The following PTPRZ1 variants were observed in gnomAD, a reference collection of about 807,000 sequenced individuals.
PTPRZ1 encodes the protein receptor-type tyrosine-protein phosphatase zeta.
PTPRZ1 carries 82 observed loss-of-function variants against 214.1 expected under a neutral mutation model. The ratio of observed to expected loss-of-function variants is 0.38; its 90% CI spans 0.32 to 0.46. The LOEUF is 0.46. PTPRZ1 is among the 20% of genes least tolerant of loss of function. PTPRZ1 has a pLI of 1.00. For missense variants in PTPRZ1, 2,603 were observed against 2,748.7 expected (o/e 0.95, Z 1.19); for synonymous variants, 945 against 987.9 (o/e 0.96, Z 0.81).
At chr7:121,994,684 T>G (rs1420139147) in intron 8 of PTPRZ1, among the ~76,000 whole-genome samples, 1 of 152,178 alleles carries the variant, frequency 6.6e-6, no homozygotes, top group East Asian at 1.9e-4. Context: ...AGAACGAGCT[T>G]GTTGCTCCAA....
chr7:121,877,909 TA>T (rs1370301829), intron 1 of PTPRZ1, among the ~76,000 whole-genome samples: 2 of 151,640 alleles, frequency 1.3e-5, no homozygotes, highest in African/African-American at 4.8e-5. Flanking sequence ...TATGTGTGTA[TA>T]TACATATATA....
At chr7:121,967,150 A>G (rs934768084) in intron 2 of PTPRZ1, 2 of 152,198 alleles carry the variant, frequency 1.3e-5, no homozygotes, top group Non-Finnish European at 2.9e-5. Flanking sequence ...GGTAGGGGTG[A>G]AATAAAGGCA....
chr7:122,053,931 T>C lies in PTPRZ1; in HGVS notation c.6274T>C (p.Phe2092Leu), dbSNP rs2150491347. The part of the protein sequence containing the change: ...YIMGYYQSNE[F>L]IITQHPLLHT... ...GTAGGGCTATTACCAGAGCAATGAA[T>C]TCATCATTACCCAGCACCCTCTCCT... The change falls in exon 26 of 30, where the codon TTC (phenylalanine) becomes CTC (leucine). Residue 2092 changes from phenylalanine to leucine, a missense_variant. This residue lies in a region of PTPRZ1 where 134 missense variants were observed against 183.3 expected (regional missense o/e 0.73). Coordinates refer to ENST00000393386, the MANE Select transcript of PTPRZ1 (RefSeq NM_002851.3). 3.7e-6 allele frequency: 6 copies of C among 1,613,094 alleles called. No individual in the cohort carries two copies. In the South Asian group the frequency reaches 5.5e-5, roughly 15 times the overall value.
At chr7:121,984,491 G>A (rs1438050874) in intron 8 of PTPRZ1, among the ~76,000 whole-genome samples, 1 of 152,158 alleles carries the variant, frequency 6.6e-6, no homozygotes, top group East Asian at 1.9e-4. Flanking sequence ...AGGCTGAGGT[G>A]TTCAGAGCTT....
chr7:121,916,207 G>A (rs1030727385), intron 1 of PTPRZ1, among the ~76,000 whole-genome samples: 1 of 150,728 alleles, frequency 6.6e-6, no homozygotes, highest in Non-Finnish European at 1.5e-5. Context: ...CTGGGAGCCG[G>A]AGGTTGCAGT....
chr7:121,960,539 CTATT>C (rs1796843563), intron 2 of PTPRZ1, among the ~76,000 whole-genome samples: 1 of 152,026 alleles, frequency 6.6e-6, no homozygotes, highest in South Asian at 2.1e-4. Context: ...TATTATATAT[CTATT>C]AATTTTCAGT....
chr7:121,993,367 C>T (rs969937881), intron 8 of PTPRZ1, among the ~76,000 whole-genome samples: 3 of 150,788 alleles, frequency 2.0e-5, no homozygotes, highest in African/African-American at 7.3e-5. Flanking sequence ...CTGGCTAACA[C>T]GGTGACCATC....
chr7:122,018,989 A>C lies in PTPRZ1; in HGVS notation c.4844-135A>C, dbSNP rs1041258045. 2.0e-5 allele frequency: 16 copies of C among 785,988 alleles called. No homozygotes were observed. The East Asian group carries it at 3.1e-4, about 15-fold the overall frequency. 48.7% of individuals were successfully genotyped at this position (785,988 alleles called of 1,614,324 possible). A position where few individuals can be genotyped will look rare whatever the true frequency, so the allele number is the denominator to read the frequency against. ...TTTAATTAAATTGGCTTATAATTGT[A>C]GACATTCTTTGCATCAAAGAGTCAA... On this transcript the variant is annotated intron_variant, in intron 12 of 29. Coordinates refer to ENST00000393386, the MANE Select transcript of PTPRZ1 (RefSeq NM_002851.3).
chr7:121,941,097 G>A (rs1796227328), intron 2 of PTPRZ1, among the ~76,000 whole-genome samples: 1 of 152,196 alleles, frequency 6.6e-6, no homozygotes, highest in Non-Finnish European at 1.5e-5. Context: ...AGCATAACAG[G>A]TTGCATGTCT....
At chr7:121,903,726 C>A in intron 1 of PTPRZ1, among the ~76,000 whole-genome samples, 1 of 152,122 alleles carries the variant, frequency 6.6e-6, no homozygotes, top group East Asian at 1.9e-4. Flanking sequence ...ATTCAAACTT[C>A]ACCTTTTACT....
intron 27 of PTPRZ1, among the ~76,000 whole-genome samples, chr7:122,057,146 T>G (rs1011898525): frequency 6.6e-6 from 1 of 151,902 alleles, no homozygotes; most frequent in Non-Finnish European, 1.5e-5. Flanking sequence ...GGAATTCCCC[T>G]GCTGTGTTAT....
At chr7:121,921,754 G>A (rs1444011326) in intron 1 of PTPRZ1, among the ~76,000 whole-genome samples, 1 of 152,124 alleles carries the variant, frequency 6.6e-6, no homozygotes, top group Non-Finnish European at 1.5e-5. Flanking sequence ...CTGGAAGGTA[G>A]TTGAAATTGG....
At chr7:121,938,591 G>A (rs1796155645) in intron 2 of PTPRZ1, among the ~76,000 whole-genome samples, 2 of 152,192 alleles carry the variant, frequency 1.3e-5, no homozygotes, top group Non-Finnish European at 2.9e-5. Context: ...CATTTCATAA[G>A]GATGGCCCCC....
intron 10 of PTPRZ1, among the ~76,000 whole-genome samples, chr7:122,000,630 A>C (rs1798287370): frequency 8.2e-6 from 1 of 121,878 alleles, no homozygotes; most frequent in South Asian, 2.6e-4. Flanking sequence ...AATTGCTGTC[A>C]TTCTTTGATA....
At chr7:122,020,238 G>A (rs952805727) in intron 13 of PTPRZ1, among the ~76,000 whole-genome samples, 1 of 151,872 alleles carries the variant, frequency 6.6e-6, no homozygotes, top group Non-Finnish European at 1.5e-5. Flanking sequence ...TAACCATCAG[G>A]AAATATCAAA....
chr7:121,971,729 C>T (rs1378562302), intron 3 of PTPRZ1, among the ~76,000 whole-genome samples: 1 of 152,070 alleles, frequency 6.6e-6, no homozygotes, highest in Non-Finnish European at 1.5e-5. Context: ...TGTTATTGTG[C>T]TTGTTATTAT....
In PTPRZ1 at chr7:122,013,468, A is replaced by T. The variant is rs1798745100; in HGVS notation, c.4422A>T (p.Ser1474=). 6 of 1,613,690 alleles carry T rather than the reference A, an allele frequency of 3.7e-6. No individual in the cohort carries two copies. The highest frequency in any genetic ancestry group is 1.3e-5 in the African/African-American group (1 of 75,060). The change falls in exon 12 of 30, where the codon TCA becomes TCT. Residue 1474 remains serine (S), a synonymous_variant. Transcript: ENST00000393386. ...TTATGGATCAGAATAATCCAATCTC[A>T]TACTCACTATCTGAGAATTCTGAAG... ...NSLMDQNNPI[S]YSLSENSEED...
intron 2 of PTPRZ1, among the ~76,000 whole-genome samples, chr7:121,956,494 A>C (rs1474395695): frequency 2.0e-5 from 3 of 152,232 alleles, no homozygotes; most frequent in Non-Finnish European, 1.5e-5. Context: ...GCATGTTTTT[A>C]ACAACTTTTC....
At chr7:122,051,021 A>T (rs1259849418) in intron 23 of PTPRZ1, among the ~76,000 whole-genome samples, 1 of 152,224 alleles carries the variant, frequency 6.6e-6, no homozygotes, top group South Asian at 2.1e-4. Flanking sequence ...TATTCATGTA[A>T]TGGAGTAGTA....
Sources: allele counts gnomAD v4.1 joint callset (sites outside exome capture counted in the v4.1 genomes callset), GRCh38; gene constraint gnomAD v4.1.1; regional missense constraint gnomAD v4.1.1; transcripts MANE v1.5; gene names NCBI Gene and HGNC (gene_info 2026-07-23, HGNC 2026-07-21).